The following CEP89 variants were observed in gnomAD, a reference collection of about 807,000 sequenced individuals.
The protein encoded by CEP89 is centrosomal protein 89, also known as centrosomal protein of 89 kDa.
In CEP89, 95 loss-of-function variants were observed where a neutral mutation model predicts 97.6. The ratio of observed to expected loss-of-function variants is 0.97; its 90% CI spans 0.82 to 1.15. The LOEUF (loss-of-function observed/expected upper bound fraction) is 1.15. CEP89 is among the 50% of genes most tolerant of loss of function. CEP89 has a pLI of 0.00. For missense variants in CEP89, 869 were observed against 947.7 expected (o/e 0.92, Z 1.09); for synonymous variants, 354 against 349.1 (o/e 1.01, Z -0.16).
intron 13 of CEP89, chr19:32,917,866 C>A (rs747565760): frequency 1.2e-6 from 1 of 813,112 alleles, no homozygotes; most frequent in Non-Finnish European, 1.5e-6. Context: ...GTTCTGCTTA[C>A]GCATCCAACA....
intron 1 of CEP89, chr19:32,969,140 A>G (rs1388172699): frequency 6.6e-6 from 1 of 152,120 alleles, no homozygotes; most frequent in Admixed American, 6.5e-5. Flanking sequence ...TGTAGCTTTC[A>G]GCGGAGAAGG....
intron 14 of CEP89, among the ~76,000 whole-genome samples, chr19:32,904,175 G>A (rs1969841801): frequency 6.6e-6 from 1 of 152,124 alleles, no homozygotes; most frequent in Admixed American, 6.5e-5. Context: ...GGGTCTGAAA[G>A]AAAGAAAGAA....
At chr19:32,904,303 G>A (rs1310764507) in intron 14 of CEP89, among the ~76,000 whole-genome samples, 3 of 152,172 alleles carry the variant, frequency 2.0e-5, no homozygotes, top group Non-Finnish European at 4.4e-5. Flanking sequence ...AACCGTGACA[G>A]CAGATTTTCA....
rs1969219713 is a variant in CEP89 at position 32,878,978 on chromosome 19, T to TAA, written c.*183_*184insTT. 2.4e-6 allele frequency: 1 copy of TAA among 408,926 alleles called. No individual in the cohort carries two copies. The highest frequency in any genetic ancestry group is 6.7e-5 in the South Asian group (1 of 15,022). The allele number at this position is 408,926 out of a possible 1,614,324, so 25.3% of individuals were successfully genotyped here. A position where few individuals can be genotyped will look rare whatever the true frequency, so the allele number is the denominator to read the frequency against. On this transcript the variant is annotated 3_prime_UTR_variant, in exon 19 of 19. Coordinates refer to ENST00000305768, the MANE Select transcript of CEP89 (RefSeq NM_032816.5). The stretch of plus-strand genomic sequence containing the variant: ...CCCTAGCTCTAAAAAAAAAAAAAAA[T>TAA]TAAAAAATAAAGCAAAATGTTATCA...
At chr19:32,945,083 G>A (rs1407086838) in intron 5 of CEP89, among the ~76,000 whole-genome samples, 1 of 152,040 alleles carries the variant, frequency 6.6e-6, no homozygotes, top group Non-Finnish European at 1.5e-5. Context: ...CAGACCCTTC[G>A]AGACCAGTCT....
intron 11 of CEP89, among the ~76,000 whole-genome samples, chr19:32,923,815 A>G (rs1212737266): frequency 1.3e-5 from 2 of 152,166 alleles, no homozygotes; most frequent in African/African-American, 4.8e-5. Flanking sequence ...ATTTGCTAAC[A>G]TTGTTCTATA....
intron 12 of CEP89, among the ~76,000 whole-genome samples, chr19:32,922,709 G>A (rs965396156): frequency 6.6e-6 from 1 of 151,858 alleles, no homozygotes; most frequent in East Asian, 1.9e-4. Context: ...TTAGCCAGGT[G>A]TGGTGGCACG....
intron 6 of CEP89, among the ~76,000 whole-genome samples, chr19:32,939,343 CAT>C (rs1172266114): frequency 1.3e-5 from 2 of 152,116 alleles, no homozygotes; most frequent in Non-Finnish European, 2.9e-5. Flanking sequence ...ACATTACTTT[CAT>C]CATTAAACTA....
At chr19:32,896,858 G>C (rs1969654414) in intron 16 of CEP89, among the ~76,000 whole-genome samples, 2 of 150,748 alleles carry the variant, frequency 1.3e-5, no homozygotes, top group African/African-American at 4.9e-5. Flanking sequence ...AGTGGGCAAA[G>C]AATCTAAATA....
Position 32,939,854 on chromosome 19 carries a change from T to C in CEP89, c.624+3A>G. 8.2e-7 allele frequency: 1 copy of C among 1,224,764 alleles called. No homozygotes were observed. The highest frequency in any genetic ancestry group is 1.2e-6 in the Non-Finnish European group (1 of 853,568). The allele number at this position is 1,224,764 out of a possible 1,614,324, so 75.9% of individuals were successfully genotyped here. On this transcript the variant is annotated splice_donor_region_variant and intron_variant, in intron 6 of 18. Coordinates refer to ENST00000305768, the MANE Select transcript of CEP89 (RefSeq NM_032816.5). ...AATCAGTTTTTAAAAAAAATGATCT[T>C]ACCTTTAAATTCAGAACAGGGTGTT...
chr19:32,966,672 C>T (rs1971291387), intron 1 of CEP89, among the ~76,000 whole-genome samples: 1 of 152,138 alleles, frequency 6.6e-6, no homozygotes, highest in South Asian at 2.1e-4. Flanking sequence ...ATGATAGCTG[C>T]TCATTGTGTG....
chr19:32,958,013 TC>T lies in CEP89; in HGVS notation c.305+1886del, dbSNP rs386388893. 7.8e-4 allele frequency among the ~76,000 whole-genome samples: 97 copies of T among 123,600 alleles called. 1 individual carries two copies. The highest frequency in any genetic ancestry group is 1.3e-3 in the South Asian group (5 of 3,716). 81.1% of individuals were successfully genotyped at this position (123,600 alleles called of 152,430 possible). A position where few individuals can be genotyped will look rare whatever the true frequency, so the allele number is the denominator to read the frequency against. ...CCTGTGTCAAAACAAAACAAAAAAA[TC>T]CCCCCCCCGCCAAAAAATAAAATAC... On this transcript the variant is annotated intron_variant, in intron 3 of 18. Transcript: ENST00000305768.
At chr19:32,902,749 C>T (rs1357786240) in intron 14 of CEP89, among the ~76,000 whole-genome samples, 2 of 152,086 alleles carry the variant, frequency 1.3e-5, no homozygotes, top group South Asian at 2.1e-4. Context: ...TTTCACGGAG[C>T]GAGAAAGGGC....
intron 4 of CEP89, among the ~76,000 whole-genome samples, chr19:32,951,485 C>A: frequency 6.7e-6 from 1 of 148,262 alleles, no homozygotes; most frequent in African/African-American, 2.5e-5. Flanking sequence ...GACTCTGTCT[C>A]AAAAGAAATA....
intron 12 of CEP89, among the ~76,000 whole-genome samples, chr19:32,918,772 C>T (rs943271708): frequency 6.6e-6 from 1 of 151,682 alleles, no homozygotes; most frequent in Non-Finnish European, 1.5e-5. Flanking sequence ...TAAAATACTC[C>T]TTTGTAATCA....
chr19:32,949,529 G>A (rs528256428), intron 4 of CEP89, among the ~76,000 whole-genome samples: 75 of 152,214 alleles, frequency 4.9e-4, no homozygotes, highest in East Asian at 1.7e-3. Context: ...GACTACAAGC[G>A]TATGACACCA....
chr19:32,906,968 G>C (rs996384426), intron 14 of CEP89, among the ~76,000 whole-genome samples: 38 of 152,190 alleles, frequency 2.5e-4, no homozygotes, highest in African/African-American at 9.1e-4. Context: ...CAAAGTGCTG[G>C]GATCACAGGC....
intron 4 of CEP89, among the ~76,000 whole-genome samples, chr19:32,952,105 C>A (rs1041190094): frequency 6.6e-6 from 1 of 152,110 alleles, no homozygotes; most frequent in Non-Finnish European, 1.5e-5. Context: ...GTGTGAAAGT[C>A]TGTATATGTG....
chr19:32,949,441 A>C (rs1309003344), intron 4 of CEP89, among the ~76,000 whole-genome samples: 4 of 151,766 alleles, frequency 2.6e-5, no homozygotes, highest in Non-Finnish European at 4.4e-5. Flanking sequence ...GCTGGAGTGC[A>C]GTGGCGCAAT....
Sources: allele counts gnomAD v4.1 joint callset (sites outside exome capture counted in the v4.1 genomes callset), GRCh38; gene constraint gnomAD v4.1.1; transcripts MANE v1.5; gene names NCBI Gene and HGNC (gene_info 2026-07-23, HGNC 2026-07-21).